VHL: variants seen among roughly 807,000 people sequenced by gnomAD.
VHL encodes the protein von Hippel-Lindau disease tumor suppressor.
VHL carries 10 observed loss-of-function variants against 19.2 expected under a neutral mutation model. The observed-to-expected ratio is 0.52, with a 90% CI of 0.32 to 0.89. VHL has a LOEUF of 0.89. VHL is among the 40% of genes least tolerant of loss of function. The pLI is 0.03. For missense variants in VHL, 328 were observed against 292.7 expected (o/e 1.12, Z -0.88); for synonymous variants, 167 against 129.5 (o/e 1.29, Z -1.97).
Position 10,142,100 on chromosome 3 carries a change from C to T in VHL, c.253C>T (p.Leu85=), listed in dbSNP as rs1422271977. 1 of 1,603,850 alleles carries T rather than the reference C, an allele frequency of 6.2e-7. No individual in the cohort carries two copies. The highest frequency in any genetic ancestry group is 1.1e-5 in the South Asian group (1 of 91,070). The change falls in exon 1 of 3, where the codon CTG becomes TTG. Residue 85 remains leucine, a synonymous_variant. Transcript: ENST00000256474. ...IFCNRSPRVV[L]PVWLNFDGEP... ...CTGCAATCGCAGTCCGCGCGTCGTG[C>T]TGCCCGTATGGCTCAACTTCGACGG...
In VHL at chr3:10,150,249, A is replaced by C. The variant is rs1209390144; in HGVS notation, c.*284A>C. ...TAGTAAGTCAGGACAGCTTGTATGT[A>C]AGGAGGTTTGTATAAGTAATTCAGT... On this transcript the variant is annotated 3_prime_UTR_variant, in exon 3 of 3. Coordinates refer to ENST00000256474, the MANE Select transcript of VHL (RefSeq NM_000551.4). 3 of 1,324,938 alleles carry C rather than the reference A, an allele frequency of 2.3e-6. No homozygotes were observed. In the African/African-American group the frequency reaches 4.4e-5, roughly 20 times the overall value. 82.1% of individuals were successfully genotyped at this position (1,324,938 alleles called of 1,614,324 possible). A position where few individuals can be genotyped will look rare whatever the true frequency, so the allele number is the denominator to read the frequency against.
chr3:10,147,937 T>A (rs1273764081), intron 2 of VHL, among the ~76,000 whole-genome samples: 1 of 151,588 alleles, frequency 6.6e-6, no homozygotes, highest in Non-Finnish European at 1.5e-5. Flanking sequence ...ACAAAAAAAT[T>A]TTTTTTTAAT....
chr3:10,147,928 CA>C (rs917386308), intron 2 of VHL, among the ~76,000 whole-genome samples: 2 of 151,692 alleles, frequency 1.3e-5, no homozygotes, highest in Non-Finnish European at 2.9e-5. Flanking sequence ...CCCAGCTCCA[CA>C]AAAAAATTTT....
At position 10,142,100 on chromosome 3, in the gene VHL, C is replaced by G. The variant is rs1422271977; in HGVS notation, c.253C>G (p.Leu85Val). 3.7e-6 allele frequency: 6 copies of G among 1,603,850 alleles called. No homozygotes were observed. The highest frequency in any genetic ancestry group is 5.1e-6 in the Non-Finnish European group (6 of 1,179,710). ...IFCNRSPRVV[L>V]PVWLNFDGEP... ...CTGCAATCGCAGTCCGCGCGTCGTGCTGCCCGTATGGCTCAACTTCGACGG... is the reference window on the plus strand; with the variant it reads ...CTGCAATCGCAGTCCGCGCGTCGTGGTGCCCGTATGGCTCAACTTCGACGG... The change falls in exon 1 of 3, where the codon CTG becomes GTG. Residue 85 changes from leucine (L) to valine (V), a missense_variant. Transcript: ENST00000256474.
In VHL at chr3:10,153,569, G is replaced by A. The variant is rs1454294158; in HGVS notation, c.*3604G>A. Among the ~76,000 whole-genome samples, 6 of 151,516 alleles carry A rather than the reference G, an allele frequency of 4.0e-5. No individual in the cohort carries two copies. The highest frequency in any genetic ancestry group is 4.2e-4 in the South Asian group (2 of 4,802). Reference sequence around the variant, plus strand: ...ATCTTGTGAATGTATTAAATATATCGCTCTTAAGAGACGGTGAAGTTCCTA... The same window carrying A: ...ATCTTGTGAATGTATTAAATATATCACTCTTAAGAGACGGTGAAGTTCCTA... On this transcript the variant is annotated 3_prime_UTR_variant, in exon 3 of 3. Transcript: ENST00000256474.
chr3:10,142,190 A>G lies in VHL; in HGVS notation c.340+3A>G, dbSNP rs1575922597. 3 of 1,597,368 alleles carry G rather than the reference A, an allele frequency of 1.9e-6. No individual in the cohort carries two copies. Among genetic ancestry groups the G allele is most frequent in the South Asian group, 2.2e-5 (2 of 90,718 alleles). ...CCGCCGCATCCACAGCTACCGAGGTACGGGCCCGGCGCTTAGGCCCGACCC... is the reference window on the plus strand; with the variant it reads ...CCGCCGCATCCACAGCTACCGAGGTGCGGGCCCGGCGCTTAGGCCCGACCC... On this transcript the variant is annotated splice_donor_region_variant and intron_variant, in intron 1 of 2. Coordinates refer to ENST00000256474, the MANE Select transcript of VHL (RefSeq NM_000551.4).
intron 2 of VHL, among the ~76,000 whole-genome samples, chr3:10,149,493 C>T (rs1242879470): frequency 6.6e-6 from 1 of 152,106 alleles, no homozygotes; most frequent in Non-Finnish European, 1.5e-5. Flanking sequence ...GTCAGCAGGC[C>T]TTTTTAAGGC....
At position 10,146,558 on chromosome 3, in the gene VHL, C is replaced by G. The variant is rs369018004; in HGVS notation, c.385C>G (p.Leu129Val). Residue 129 changes from leucine (L) to valine (V), a missense_variant, in exon 2 of 3, where the codon CTG becomes GTG. Coordinates refer to ENST00000256474, the MANE Select transcript of VHL (RefSeq NM_000551.4). ...AGATGCAGGGACACACGATGGGCTT[C>G]TGGTTAACCAAACTGAATTATTTGT... Reference protein sequence around the residue: ...FRDAGTHDGLLVNQTELFVPS... With the variant: ...FRDAGTHDGLVVNQTELFVPS... The G allele has an allele frequency of 2.5e-6, 4 of 1,614,046 alleles. No individual in the cohort carries two copies. The East Asian group carries it at 8.9e-5, about 36-fold the overall frequency.
chr3:10,152,226 G>A lies in VHL; in HGVS notation c.*2261G>A, dbSNP rs528058333. The stretch of plus-strand genomic sequence containing the variant: ...CTACTAAAAAATACAAGAATTAGCT[G>A]GGTGTGGTGGCGCATGCCTGTAATC... On this transcript the variant is annotated 3_prime_UTR_variant, in exon 3 of 3. Coordinates refer to ENST00000256474, the MANE Select transcript of VHL (RefSeq NM_000551.4). The A allele has an allele frequency of 6.5e-6, 1 of 154,442 alleles. No individual in the cohort carries two copies. Among genetic ancestry groups the A allele is most frequent in the South Asian group, 2.1e-4 (1 of 4,822 alleles). 9.6% of individuals were successfully genotyped at this position (154,442 alleles called of 1,614,324 possible). A position where few individuals can be genotyped will look rare whatever the true frequency, so the allele number is the denominator to read the frequency against.
At chr3:10,143,137 C>G (rs965750782) in intron 1 of VHL, 1 of 146,942 alleles carries the variant, frequency 6.8e-6, no homozygotes, top group African/African-American at 2.6e-5. Flanking sequence ...TTTTTTGAGA[C>G]GGGAGTCTTG....
In VHL at chr3:10,152,613, C is replaced by G. The variant is rs1696442083; in HGVS notation, c.*2648C>G. Among the ~76,000 whole-genome samples, 1 of 146,156 alleles carries G rather than the reference C, an allele frequency of 6.8e-6. No homozygotes were observed. Among genetic ancestry groups the G allele is most frequent in the Non-Finnish European group, 1.5e-5 (1 of 67,104 alleles). On this transcript the variant is annotated 3_prime_UTR_variant, in exon 3 of 3. Transcript: ENST00000256474. Reference sequence around the variant, plus strand: ...GTTCAAGTGATTCTCCTGGCTCACCCTCCTGAGTAGCTGGGATTACAGGCG... The same window carrying G: ...GTTCAAGTGATTCTCCTGGCTCACCGTCCTGAGTAGCTGGGATTACAGGCG...
chr3:10,148,686 T>TTC (rs1696327105), intron 2 of VHL, among the ~76,000 whole-genome samples: 1 of 149,740 alleles, frequency 6.7e-6, no homozygotes, highest in African/African-American at 2.5e-5. Flanking sequence ...AACCACCTTT[T>TTC]TTTTTTTTTT....
At position 10,141,836 on chromosome 3, in the gene VHL, A is replaced by G. The variant is rs762831698; in HGVS notation, c.-12A>G. The G allele has an allele frequency of 2.6e-6, 4 of 1,536,596 alleles. No homozygotes were observed. Among genetic ancestry groups the G allele is most frequent in the African/African-American group, 2.8e-5 (2 of 72,274 alleles). ...GCGGCGTCCGGCCCGGGTGGTCTGG[A>G]TCGCGGAGGGAATGCCCCGGAGGGC... On this transcript the variant is annotated 5_prime_UTR_variant, in exon 1 of 3. Coordinates refer to ENST00000256474, the MANE Select transcript of VHL (RefSeq NM_000551.4).
rs1064794788 is a variant in VHL, at chr3:10,141,881, G to T, written c.34G>T (p.Glu12Ter). The change falls in exon 1 of 3, where the codon GAG (glutamate) becomes TAG (stop). Residue 12 changes from glutamate to a stop codon, truncating the protein, a stop_gained. Coordinates refer to ENST00000256474, the MANE Select transcript of VHL (RefSeq NM_000551.4). LOFTEE classifies it high-confidence loss of function. ...GAGGGCGGAGAACTGGGACGAGGCC[G>T]AGGTAGGCGCGGAGGAGGCAGGCGT... ...PRRAENWDEA[E>*]VGAEEAGVEE... 6.5e-7 allele frequency: 1 copy of T among 1,533,828 alleles called. No homozygotes were observed. Among genetic ancestry groups the T allele is most frequent in the African/African-American group, 1.4e-5 (1 of 72,440 alleles).
In VHL at chr3:10,141,967, G is replaced by A. The variant is rs1189123803; in HGVS notation, c.120G>A (p.Pro40=). The A allele has an allele frequency of 3.2e-6, 5 of 1,555,324 alleles. No individual in the cohort carries two copies. Among genetic ancestry groups the A allele is most frequent in the African/African-American group, 1.4e-5 (1 of 73,334 alleles). ...GEESGAEESG[P]EESGPEELGA... ...AGTCGGGCGCCGAGGAGTCCGGCCCGGAAGAGTCCGGCCCGGAGGAACTGG... is the reference window on the plus strand; with the variant it reads ...AGTCGGGCGCCGAGGAGTCCGGCCCAGAAGAGTCCGGCCCGGAGGAACTGG... The change falls in exon 1 of 3, where the codon CCG becomes CCA. Residue 40 remains proline (P), a synonymous_variant. Coordinates refer to ENST00000256474, the MANE Select transcript of VHL (RefSeq NM_000551.4).
At position 10,149,879 on chromosome 3, in the gene VHL, G is replaced by A. The variant is rs367545984; in HGVS notation, c.556G>A (p.Glu186Lys). The stretch of plus-strand genomic sequence containing the variant: ...ACTGGACATCGTCAGGTCGCTCTAC[G>A]AAGATCTGGAAGACCACCCAAATGT... ...RRLDIVRSLY[E>K]DLEDHPNVQK... Residue 186 changes from glutamate to lysine, a missense_variant, in exon 3 of 3, where the codon GAA becomes AAA. Glu to Lys is a moderately conservative substitution (Grantham distance 56). Transcript: ENST00000256474. The A allele has an allele frequency of 2.4e-5, 38 of 1,614,050 alleles. No homozygotes were observed. The highest frequency in any genetic ancestry group is 1.6e-4 in the Middle Eastern group (1 of 6,084).
rs112130915 is a variant in VHL, at chr3:10,153,317, G to A, written c.*3352G>A. Among the ~76,000 whole-genome samples the A allele has an allele frequency of 0.011, 1,597 of 151,836 alleles. 31 individuals are homozygous for A. Among genetic ancestry groups the A allele is most frequent in the African/African-American group, 0.036 (1,508 of 41,424 alleles). The stretch of plus-strand genomic sequence containing the variant: ...AAAACAAAAATTATCCAGGTGTGGC[G>A]GTGGGCGCCTGTGAGGCAGGCGAAT... On this transcript the variant is annotated 3_prime_UTR_variant, in exon 3 of 3. Coordinates refer to ENST00000256474, the MANE Select transcript of VHL (RefSeq NM_000551.4).
At chr3:10,149,340 T>C (rs966226151) in intron 2 of VHL, among the ~76,000 whole-genome samples, 1 of 152,046 alleles carries the variant, frequency 6.6e-6, no homozygotes, top group East Asian at 1.9e-4. Flanking sequence ...CTCGAACTCC[T>C]GAGCTCAGGC....
chr3:10,143,478 T>A (rs771904956), intron 1 of VHL, among the ~76,000 whole-genome samples: 2 of 152,152 alleles, frequency 1.3e-5, no homozygotes, highest in South Asian at 4.1e-4. Context: ...AGTTGGAGTC[T>A]GGATCTGTCG....
Sources: gnomAD v4.1 joint callset for allele counts (sites outside exome capture counted in the v4.1 genomes callset) on GRCh38, gnomAD v4.1.1 for gene constraint, MANE v1.5 for transcripts, NCBI Gene and HGNC (gene_info 2026-07-23, HGNC 2026-07-21) for gene names.